UBA6: variants seen among roughly 807,000 people sequenced by gnomAD.
UBA6 encodes the protein ubiquitin-like modifier-activating enzyme 6.
A neutral mutation model predicts 148.3 loss-of-function variants in UBA6; 87 were observed. The observed-to-expected ratio is 0.59, with a 90% confidence interval of 0.49 to 0.70. The LOEUF is 0.70. UBA6 is among the 30% of genes least tolerant of loss of function. The probability of loss-of-function intolerance (pLI) is 0.00; values close to 1 mark genes in which losing one functional copy is unlikely to be tolerated. For synonymous variants in UBA6, 376 were observed against 401.0 expected (o/e 0.94, Z 0.75); for missense variants, 1,186 against 1,241.2 (o/e 0.96, Z 0.67).
At chr4:67,636,089 G>T (rs942974585) in intron 19 of UBA6, among the ~76,000 whole-genome samples, 1 of 152,120 alleles carries the variant, frequency 6.6e-6, no homozygotes, top group African/African-American at 2.4e-5. Flanking sequence ...GTCATATAAA[G>T]ATGTAAGGTG....
chr4:67,633,222 T>C, intron 23 of UBA6, 123 bp downstream of exon 23: 2 of 809,078 alleles, frequency 2.5e-6, no homozygotes, highest in Non-Finnish European at 3.7e-6. Context: ...TTTAACTTAC[T>C]ACTAATTTCT....
intron 26 of UBA6, 152 bp from the exon 27 acceptor site, chr4:67,629,294 T>C (rs1728942807): frequency 3.4e-6 from 2 of 587,678 alleles, no homozygotes. Context: ...TATCTTTATT[T>C]CTATAAAAAT....
At chr4:67,697,505 A>G (rs1730869777) in intron 1 of UBA6, among the ~76,000 whole-genome samples, 1 of 152,216 alleles carries the variant, frequency 6.6e-6, no homozygotes, top group African/African-American at 2.4e-5. Flanking sequence ...AACTATTCTG[A>G]TGTCTTAACT....
At chr4:67,650,738 AAC>A (rs1729535505) in intron 13 of UBA6, among the ~76,000 whole-genome samples, 1 of 152,140 alleles carries the variant, frequency 6.6e-6, no homozygotes, top group Admixed American at 6.5e-5. Flanking sequence ...ATGGTAACAA[AAC>A]ACAGTCCTAA....
In UBA6 at chr4:67,634,303, T is replaced by C; in HGVS notation, c.1952A>G (p.His651Arg). 1.3e-6 allele frequency: 2 copies of C among 1,595,590 alleles called. No homozygotes were observed. The highest frequency in any genetic ancestry group is 1.7e-6 in the Non-Finnish European group (2 of 1,175,158). Reference sequence around the variant, plus strand: ...AAATTTGTTAAACAATGAAGGTTTGTGGGAAAAGGAACTTTCAAACTGTAA... The same window carrying C: ...AAATTTGTTAAACAATGAAGGTTTGCGGGAAAAGGAACTTTCAAACTGTAA... Reference protein sequence around the residue: ...ARDKFESSFSHKPSLFNKFWQ... With the variant: ...ARDKFESSFSRKPSLFNKFWQ... The change falls in exon 22 of 33, where the codon CAC becomes CGC. Residue 651 changes from histidine to arginine, a missense_variant. Transcript: ENST00000322244.
At chr4:67,696,516 C>A in intron 2 of UBA6, 129 bp downstream of exon 2, 1 of 595,666 alleles carries the variant, frequency 1.7e-6, no homozygotes, top group Non-Finnish European at 2.9e-6. Flanking sequence ...TACATATATA[C>A]ATACACACAC....
intron 28 of UBA6, among the ~76,000 whole-genome samples, chr4:67,626,015 C>T (rs1728858744): frequency 6.6e-6 from 1 of 151,812 alleles, no homozygotes; most frequent in African/African-American, 2.4e-5. Flanking sequence ...TCCACAAGGA[C>T]CCCATTAAAC....
At chr4:67,690,424 C>G (rs964210844) in intron 2 of UBA6, among the ~76,000 whole-genome samples, 1 of 151,910 alleles carries the variant, frequency 6.6e-6, no homozygotes, top group Admixed American at 6.6e-5. Context: ...CAAAGGCACA[C>G]ACAACAAAAG....
intron 1 of UBA6, 109 bp downstream of exon 1, chr4:67,700,940 G>C (rs541210640): frequency 2.2e-5 from 30 of 1,386,890 alleles, no homozygotes; most frequent in Non-Finnish European, 2.9e-5. Flanking sequence ...GGCTCTGCTC[G>C]GCCCCGCGGC....
At chr4:67,634,401 GAAAAT>G (rs760420210) in intron 21 of UBA6, 23 bp downstream of exon 21, 15 of 1,558,690 alleles carry the variant, frequency 9.6e-6, no homozygotes, top group Non-Finnish European at 1.1e-5. Flanking sequence ...TCACTTCAAA[GAAAAT>G]AAATTTAAAA....
intron 10 of UBA6, among the ~76,000 whole-genome samples, chr4:67,664,364 T>A (rs1213620149): frequency 6.6e-6 from 1 of 151,744 alleles, no homozygotes; most frequent in Admixed American, 6.6e-5. Flanking sequence ...AATTGAGACA[T>A]ATCCAATTAA....
At position 67,673,700 on chromosome 4, in the gene UBA6, A is replaced by T. The variant is rs942424176; in HGVS notation, c.543T>A (p.Ile181=). The change falls in exon 7 of 33, where the codon ATT becomes ATA. Residue 181 remains isoleucine, a synonymous_variant. Transcript: ENST00000322244. ...NDFCRSQCPP[I]KFISADVHGI... ...CATTACTAAATGATACAATTACCTT[A>T]ATTGGAGGGCACTGAGAACGGCAAA... 2 of 1,606,948 alleles carry T rather than the reference A, an allele frequency of 1.2e-6. No homozygotes were observed. Among genetic ancestry groups the T allele is most frequent in the African/African-American group, 2.7e-5 (2 of 74,784 alleles).
chr4:67,624,197 A>G lies in UBA6; in HGVS notation c.2769T>C (p.Asn923=). 1.2e-6 allele frequency: 2 copies of G among 1,610,314 alleles called. No homozygotes were observed. Among genetic ancestry groups the G allele is most frequent in the African/African-American group, 1.3e-5 (1 of 74,880 alleles). ...TTGGAATGGCTAAGTTAAGAAAACA[A>G]TTTTTGTAAGCTTCAAATGGATAGC... ...TGGYPFEAYK[N]CFLNLAIPIV... is the part of the protein sequence containing the mutation. Residue 923 remains asparagine, a synonymous_variant, in exon 30 of 33, where the codon AAT becomes AAC. Transcript: ENST00000322244.
At chr4:67,627,054 T>C (rs1040565644) in intron 27 of UBA6, among the ~76,000 whole-genome samples, 7 of 151,956 alleles carry the variant, frequency 4.6e-5, no homozygotes, top group African/African-American at 1.7e-4. Context: ...CCTTCTTTCA[T>C]ATAGAAAGTT....
At chr4:67,622,795 T>A in intron 32 of UBA6, 36 bp downstream of exon 32, 4 of 1,450,732 alleles carry the variant, frequency 2.8e-6, no homozygotes, top group Non-Finnish European at 2.9e-6. Flanking sequence ...ACATTTAAAT[T>A]CTTGTTAATC....
chr4:67,645,534 T>A (rs984284035), intron 16 of UBA6, among the ~76,000 whole-genome samples: 2 of 151,994 alleles, frequency 1.3e-5, no homozygotes, highest in African/African-American at 4.8e-5. Flanking sequence ...GAGGCAGAGG[T>A]TGCAGTGAGC....
intron 2 of UBA6, among the ~76,000 whole-genome samples, chr4:67,685,620 T>G (rs187212943): frequency 2.0e-5 from 3 of 152,202 alleles, no homozygotes; most frequent in African/African-American, 7.2e-5. Context: ...TGTTGGAAAC[T>G]TAAACCCCGT....
intron 19 of UBA6, among the ~76,000 whole-genome samples, chr4:67,638,514 C>T (rs28471980): frequency 0.15 from 23,026 of 152,112 alleles, 1,816 homozygotes; most frequent in South Asian, 0.22. Context: ...GTGCTTCCTT[C>T]TCAGGTAGCC....
intron 29 of UBA6, 29 bp from the exon 30 acceptor site, chr4:67,624,282 T>G (rs1254633560): frequency 6.3e-7 from 1 of 1,578,804 alleles, no homozygotes; most frequent in African/African-American, 1.4e-5. Context: ...TCTGATAATA[T>G]AAACAGCCTA....
Sources: gnomAD v4.1 joint callset for allele counts (sites outside exome capture counted in the v4.1 genomes callset) on GRCh38, gnomAD v4.1.1 for gene constraint, MANE v1.5 for transcripts, NCBI Gene and HGNC (gene_info 2026-07-23, HGNC 2026-07-21) for gene names.